SEMA3D: variants seen among roughly 807,000 people sequenced by gnomAD.
SEMA3D encodes the protein semaphorin 3D.
SEMA3D carries 84 observed loss-of-function variants against 100.1 expected under a neutral mutation model. The ratio of observed to expected loss-of-function variants is 0.84; its 90% confidence interval spans 0.70 to 1.01. The LOEUF (loss-of-function observed/expected upper bound fraction) is 1.01, where lower values mean the gene tolerates loss of function less well. Ranked by LOEUF, SEMA3D falls within the 50% of genes least tolerant of loss-of-function variation. SEMA3D has a pLI of 0.00. For synonymous variants in SEMA3D, 312 were observed against 320.7 expected (o/e 0.97, Z 0.29); for missense variants, 875 against 934.1 (o/e 0.94, Z 0.82).
intron 13 of SEMA3D, among the ~76,000 whole-genome samples, chr7:85,021,042 GAAAA>G (rs557798651): frequency 2.0e-5 from 3 of 147,166 alleles, no homozygotes; most frequent in African/African-American, 5.0e-5. Context: ...TTTAGAAAAA[GAAAA>G]AAAAAATCCC....
chr7:85,015,172 G>A lies in SEMA3D; in HGVS notation c.1590C>T (p.Ser530=). ...TCCCATAAGTGTCGCATCTGTGCAA[G>A]GAGAGCTGAACCAATCCATCTCGGG... The part of the protein sequence containing the change: ...IGSRDGLVQL[S]LHRCDTYGKA... The change falls in exon 16 of 19, where the codon TCC becomes TCT. Residue 530 remains serine (S), a synonymous_variant. Transcript: ENST00000284136. 2 of 1,611,786 alleles carry A rather than the reference G, an allele frequency of 1.2e-6. No individual in the cohort carries two copies. Among genetic ancestry groups the A allele is most frequent in the Non-Finnish European group, 1.7e-6 (2 of 1,178,500 alleles).
intron 9 of SEMA3D, among the ~76,000 whole-genome samples, chr7:85,054,428 G>T (rs1440076683): frequency 1.3e-5 from 2 of 152,024 alleles, no homozygotes; most frequent in Non-Finnish European, 2.9e-5. Flanking sequence ...CAAACAACAG[G>T]CATTCATCTC....
chr7:85,012,310 A>C (rs1341467417), intron 17 of SEMA3D, among the ~76,000 whole-genome samples: 1 of 151,916 alleles, frequency 6.6e-6, no homozygotes, highest in African/African-American at 2.4e-5. Context: ...GAAGTCGCTT[A>C]ATAAATATTT....
chr7:85,028,344 T>G (rs1485977293), intron 12 of SEMA3D: 2 of 625,056 alleles, frequency 3.2e-6, no homozygotes, highest in East Asian at 6.2e-5. Context: ...CTTGGAATTA[T>G]CAATGTGCCA....
rs1789518078 is a variant in SEMA3D at position 84,996,970 on chromosome 7, T to TA, written c.*2469dup. On this transcript the variant is annotated 3_prime_UTR_variant, in exon 19 of 19. Transcript: ENST00000284136. ...ACACATTTTAGATATTCTTTATCTT[T>TA]AAAAATACATATAAATATGTGTACT... 6.6e-6 allele frequency: 1 copy of TA among 151,930 alleles called. No individual in the cohort carries two copies. The highest frequency in any genetic ancestry group is 2.1e-4 in the South Asian group (1 of 4,836). 9.4% of individuals were successfully genotyped at this position (151,930 alleles called of 1,614,324 possible).
intron 2 of SEMA3D, among the ~76,000 whole-genome samples, chr7:85,148,686 T>C (rs553142663): frequency 6.6e-6 from 1 of 152,284 alleles, no homozygotes; most frequent in Non-Finnish European, 1.5e-5. Flanking sequence ...TCACAGGAAC[T>C]GTTAAAACAA....
At chr7:85,186,332 G>A (rs1005895424) in intron 1 of SEMA3D, among the ~76,000 whole-genome samples, 2 of 152,178 alleles carry the variant, frequency 1.3e-5, no homozygotes, top group African/African-American at 4.8e-5. Flanking sequence ...GAACCAGGAA[G>A]CCAGGGAGAG....
chr7:85,047,311 G>C (rs1240698244), intron 9 of SEMA3D, among the ~76,000 whole-genome samples: 1 of 151,828 alleles, frequency 6.6e-6, no homozygotes, highest in African/African-American at 2.4e-5. Context: ...AGGTAGATCA[G>C]ACCTAAAGCA....
At chr7:85,012,047 T>C (rs1789969315) in intron 17 of SEMA3D, among the ~76,000 whole-genome samples, 1 of 151,682 alleles carries the variant, frequency 6.6e-6, no homozygotes, top group African/African-American at 2.4e-5. Flanking sequence ...TACATACTTT[T>C]ATAGATTTGT....
intron 1 of SEMA3D, among the ~76,000 whole-genome samples, chr7:85,175,794 G>C (rs1200343688): frequency 6.6e-6 from 1 of 151,954 alleles, no homozygotes; most frequent in Non-Finnish European, 1.5e-5. Context: ...ATTCGGTTAT[G>C]ATGGGGAACT....
chr7:85,149,366 A>T (rs1405114029), intron 2 of SEMA3D, among the ~76,000 whole-genome samples: 1 of 152,098 alleles, frequency 6.6e-6, no homozygotes, highest in East Asian at 1.9e-4. Flanking sequence ...CTGAGACAGG[A>T]TTGCTTGAAC....
chr7:85,158,347 G>A (rs11978933), intron 1 of SEMA3D, among the ~76,000 whole-genome samples: 1 of 151,944 alleles, frequency 6.6e-6, no homozygotes, highest in African/African-American at 2.4e-5. Context: ...GGGAGGCCTC[G>A]AAAATGGCCG....
intron 1 of SEMA3D, among the ~76,000 whole-genome samples, chr7:85,182,835 T>C (rs896783158): frequency 6.6e-6 from 1 of 152,208 alleles, no homozygotes; most frequent in Admixed American, 6.5e-5. Context: ...GAAATGCTAC[T>C]TTACTTAAGT....
intron 10 of SEMA3D, 118 bp downstream of exon 10, chr7:85,042,053 C>T (rs1265894310): frequency 1.3e-6 from 1 of 760,098 alleles, no homozygotes; most frequent in Non-Finnish European, 2.3e-6. Context: ...AAGAACCACT[C>T]CTGTAAGGTT....
At chr7:85,222,365 G>A in the SEMA3D span, among the ~76,000 whole-genome samples, 1 of 151,898 alleles carries the variant, frequency 6.6e-6, no homozygotes, top group African/African-American at 2.4e-5. Flanking sequence ...CAATGCAATG[G>A]CAATGAATAT....
chr7:85,030,186 T>C (rs928891352), intron 12 of SEMA3D, among the ~76,000 whole-genome samples: 1 of 120,716 alleles, frequency 8.3e-6, no homozygotes, highest in Non-Finnish European at 1.7e-5. Context: ...AGAATCACCA[T>C]TTTTCACCAC....
chr7:85,021,572 A>C (rs560951598), intron 13 of SEMA3D, among the ~76,000 whole-genome samples: 15 of 151,946 alleles, frequency 9.9e-5, no homozygotes, highest in African/African-American at 3.4e-4. Context: ...CATAATTTTT[A>C]AAAATAAAAT....
chr7:85,030,161 T>A (rs961359006), intron 12 of SEMA3D, among the ~76,000 whole-genome samples: 4 of 151,486 alleles, frequency 2.6e-5, no homozygotes, highest in East Asian at 2.0e-4. Context: ...AACCAAAAAA[T>A]TTTCAGGAAT....
intron 2 of SEMA3D, among the ~76,000 whole-genome samples, chr7:85,153,381 C>A (rs1282547067): frequency 6.6e-6 from 1 of 152,092 alleles, no homozygotes; most frequent in African/African-American, 2.4e-5. Flanking sequence ...TTGGAGTGAT[C>A]ATGTCTAGAA....
Sources: gnomAD v4.1 joint callset for allele counts (sites outside exome capture counted in the v4.1 genomes callset) on GRCh38, gnomAD v4.1.1 for gene constraint, MANE v1.5 for transcripts, NCBI Gene and HGNC (gene_info 2026-07-23, HGNC 2026-07-21) for gene names.